Variants in CFAP299 observed in about 807,000 individuals in gnomAD.
CFAP299 encodes the protein cilia and flagella associated protein 299.
In CFAP299, 21 loss-of-function variants were observed where a neutral mutation model predicts 27.0. The ratio of observed to expected loss-of-function variants is 0.78; its 90% confidence interval spans 0.55 to 1.12. The LOEUF is 1.12. Among genes scored for constraint, CFAP299 ranks in the 50% most tolerant of loss-of-function variants. The pLI, the probability that CFAP299 is intolerant of heterozygous loss-of-function variation, is 0.00. For synonymous variants in CFAP299, 104 were observed against 98.1 expected (o/e 1.06, Z -0.36); for missense variants, 310 against 276.6 (o/e 1.12, Z -0.86).
At chr4:80,858,768 G>A (rs546546620) in intron 3 of CFAP299, among the ~76,000 whole-genome samples, 2 of 152,312 alleles carry the variant, frequency 1.3e-5, no homozygotes, top group Admixed American at 1.3e-4. Flanking sequence ...ACTCTGGTCT[G>A]AGAGATAGTT....
rs181235024 is a variant in CFAP299 at position 80,727,403 on chromosome 4, G to A, written c.334-142590G>A. Among the ~76,000 whole-genome samples the A allele has an allele frequency of 1.3e-3, 203 of 152,046 alleles. 2 individuals are homozygous for A. Among genetic ancestry groups the A allele is most frequent in the Non-Finnish European group, 1.8e-4 (12 of 67,950 alleles). ...CACTTTACTCTTTCAAAAGTGTGAA[G>A]ACTATAGAATATAAATTGTTTTGAT... On this transcript the variant is annotated intron_variant, in intron 3 of 5. Coordinates refer to ENST00000358105, the MANE Select transcript of CFAP299 (RefSeq NM_152770.3).
intron 3 of CFAP299, among the ~76,000 whole-genome samples, chr4:80,616,080 C>G (rs941268575): frequency 2.6e-5 from 4 of 152,134 alleles, no homozygotes; most frequent in African/African-American, 9.7e-5. Flanking sequence ...ATTAACTTCA[C>G]CTAAAAATTT....
At chr4:80,507,824 A>G (rs1174342505) in intron 2 of CFAP299, among the ~76,000 whole-genome samples, 1 of 152,186 alleles carries the variant, frequency 6.6e-6, no homozygotes, top group Non-Finnish European at 1.5e-5. Flanking sequence ...AGCTCCACTC[A>G]TTGGGGATTT....
chr4:80,912,794 C>T (rs1252218248), intron 4 of CFAP299, among the ~76,000 whole-genome samples: 1 of 152,172 alleles, frequency 6.6e-6, no homozygotes, highest in East Asian at 1.9e-4. Flanking sequence ...GAGTGATCCA[C>T]TGGCCAGGCT....
At chr4:80,551,144 A>T (rs1177658743) in intron 2 of CFAP299, among the ~76,000 whole-genome samples, 1 of 152,214 alleles carries the variant, frequency 6.6e-6, no homozygotes, top group Non-Finnish European at 1.5e-5. Context: ...TAATATTTTT[A>T]AAAATCATTT....
chr4:80,648,446 C>G (rs995152680), intron 3 of CFAP299, among the ~76,000 whole-genome samples: 1 of 152,114 alleles, frequency 6.6e-6, no homozygotes, highest in African/African-American at 2.4e-5. Flanking sequence ...TGTTCTTTAA[C>G]AAACTCACTA....
chr4:80,624,223 A>G (rs1197982202), intron 3 of CFAP299, among the ~76,000 whole-genome samples: 2 of 152,148 alleles, frequency 1.3e-5, no homozygotes, highest in Non-Finnish European at 2.9e-5. Flanking sequence ...AGCAAACTTC[A>G]ACAAAAATAC....
intron 1 of CFAP299, among the ~76,000 whole-genome samples, chr4:80,347,877 A>G (rs916870743): frequency 5.3e-5 from 8 of 152,190 alleles, no homozygotes; most frequent in African/African-American, 1.9e-4. Context: ...CTGACTTCAA[A>G]CTATAAGGCT....
intron 2 of CFAP299, among the ~76,000 whole-genome samples, chr4:80,535,113 T>C (rs1257514066): frequency 6.6e-6 from 1 of 151,940 alleles, no homozygotes; most frequent in East Asian, 1.9e-4. Flanking sequence ...AGAATCATCT[T>C]CAATCTGGGT....
intron 2 of CFAP299, among the ~76,000 whole-genome samples, chr4:80,364,163 C>G (rs1723702124): frequency 7.0e-6 from 1 of 142,420 alleles, no homozygotes; most frequent in African/African-American, 2.7e-5. Flanking sequence ...CTCGGCCAAG[C>G]CCTCTGTATA....
intron 3 of CFAP299, among the ~76,000 whole-genome samples, chr4:80,613,706 G>A (rs1738120171): frequency 6.6e-6 from 1 of 152,092 alleles, no homozygotes; most frequent in Non-Finnish European, 1.5e-5. Context: ...AGGTCATCTG[G>A]TATTCAGGCT....
At chr4:80,442,552 A>C (rs1472489279) in intron 2 of CFAP299, among the ~76,000 whole-genome samples, 1 of 152,212 alleles carries the variant, frequency 6.6e-6, no homozygotes. Context: ...GACACAGCTA[A>C]AGCAGTGTTT....
At chr4:80,343,466 C>A (rs956248636) in intron 1 of CFAP299, among the ~76,000 whole-genome samples, 1 of 152,172 alleles carries the variant, frequency 6.6e-6, no homozygotes, top group African/African-American at 2.4e-5. Context: ...GAAATAATAA[C>A]AGTCTATCAG....
At chr4:80,905,938 A>G (rs1487795470) in intron 4 of CFAP299, among the ~76,000 whole-genome samples, 4 of 152,134 alleles carry the variant, frequency 2.6e-5, no homozygotes, top group African/African-American at 7.2e-5. Flanking sequence ...ATGTTCTCAC[A>G]TTTCAAAACA....
intron 1 of CFAP299, among the ~76,000 whole-genome samples, chr4:80,340,584 C>T (rs1037324317): frequency 1.3e-5 from 2 of 152,136 alleles, no homozygotes; most frequent in Non-Finnish European, 2.9e-5. Flanking sequence ...TTGGCTAGTG[C>T]AGTAGACTGG....
At position 80,413,332 on chromosome 4, in the gene CFAP299, G is replaced by A. The variant is rs529129270; in HGVS notation, c.242+50448G>A. On this transcript the variant is annotated intron_variant, in intron 2 of 5. Transcript: ENST00000358105. ...CAGCAGGCATCCCAGAGAGGGATAA[G>A]AGTGAGAGAAGATAACAAGACTGTA... Among the ~76,000 whole-genome samples, 4 of 152,358 alleles carry A rather than the reference G, an allele frequency of 2.6e-5. No individual in the cohort carries two copies. In the East Asian group the frequency reaches 7.7e-4, roughly 29 times the overall value.
chr4:80,394,978 G>C (rs1435351092), intron 2 of CFAP299, among the ~76,000 whole-genome samples: 1 of 151,948 alleles, frequency 6.6e-6, no homozygotes, highest in Non-Finnish European at 1.5e-5. Context: ...TTGGAATTTT[G>C]AGAAAGTTTG....
chr4:80,473,365 G>A (rs1730106160), intron 2 of CFAP299, among the ~76,000 whole-genome samples: 2 of 151,844 alleles, frequency 1.3e-5, no homozygotes, highest in South Asian at 4.1e-4. Flanking sequence ...TCAAGGGCCA[G>A]TATCATTATT....
chr4:80,916,864 G>A (rs1735791167), intron 4 of CFAP299, among the ~76,000 whole-genome samples: 1 of 152,000 alleles, frequency 6.6e-6, no homozygotes, highest in Admixed American at 6.6e-5. Flanking sequence ...AAATTCCGAG[G>A]TGAAGTAATA....
Sources: allele counts gnomAD v4.1 joint callset (sites outside exome capture counted in the v4.1 genomes callset), GRCh38; gene constraint gnomAD v4.1.1; transcripts MANE v1.5; gene names NCBI Gene and HGNC (gene_info 2026-07-23, HGNC 2026-07-21).